ZEB1: variants seen among roughly 807,000 people sequenced by gnomAD.
ZEB1 encodes zinc finger E-box binding homeobox 1, also known as zinc finger E-box-binding homeobox 1.
ZEB1 carries 21 observed loss-of-function variants against 84.9 expected under a neutral mutation model. The ratio of observed to expected loss-of-function variants is 0.25; its 90% CI spans 0.18 to 0.36. ZEB1 has a LOEUF of 0.36. Ranked by LOEUF, ZEB1 falls within the 10% of genes least tolerant of loss-of-function variation. The pLI, the probability that ZEB1 is intolerant of heterozygous loss-of-function variation, is 1.00. For synonymous variants in ZEB1, 420 were observed against 471.1 expected (o/e 0.89, Z 1.41); for missense variants, 1,104 against 1,330.2 (o/e 0.83, Z 2.65).
chr10:31,520,721 T>A lies in ZEB1; in HGVS notation c.1389T>A (p.Leu463=). The change falls in exon 7 of 9, where the codon CTT becomes CTA. Residue 463 remains leucine, a synonymous_variant. Coordinates refer to ENST00000424869, the MANE Select transcript of ZEB1 (RefSeq NM_001174096.2). The surrounding 1 kb of genome is among the most constrained non-coding windows in gnomAD (Gnocchi z 5.1). ...ATTCTGTTATTTCAGCCATCAGTCT[T>A]CCTTTGGTTGATCAAGATGGAACAA... ...GGHSVISAIS[L]PLVDQDGTTK... 1 of 1,614,110 alleles carries A rather than the reference T, an allele frequency of 6.2e-7. No individual in the cohort carries two copies. Among genetic ancestry groups the A allele is most frequent in the Non-Finnish European group, 8.5e-7 (1 of 1,180,002 alleles).
At chr10:31,451,775 G>C (rs951198022) in intron 1 of ZEB1, among the ~76,000 whole-genome samples, 1 of 152,154 alleles carries the variant, frequency 6.6e-6, no homozygotes, top group African/African-American at 2.4e-5. Flanking sequence ...AGGGGAAAAG[G>C]GGAAGGTAAT....
chr10:31,425,225 G>A (rs1232984263), intron 1 of ZEB1, among the ~76,000 whole-genome samples: 1 of 151,980 alleles, frequency 6.6e-6, no homozygotes, highest in Non-Finnish European at 1.5e-5. Flanking sequence ...AATTGAATTT[G>A]AGTTAGACAG....
chr10:31,347,359 G>A (rs2040491519), intron 1 of ZEB1, among the ~76,000 whole-genome samples: 1 of 152,186 alleles, frequency 6.6e-6, no homozygotes, highest in Non-Finnish European at 1.5e-5. Flanking sequence ...CATTTGTTTA[G>A]CATATATCTG....
intron 2 of ZEB1, among the ~76,000 whole-genome samples, chr10:31,463,630 G>T (rs2062051705): frequency 6.6e-6 from 1 of 152,146 alleles, no homozygotes; most frequent in Admixed American, 6.5e-5. Context: ...AACAAGCAAA[G>T]TTTCCCTGGT....
chr10:31,403,871 A>C (rs1427846165), intron 1 of ZEB1, among the ~76,000 whole-genome samples: 1 of 152,096 alleles, frequency 6.6e-6, no homozygotes, highest in African/African-American at 2.4e-5. Context: ...TTATATGGTA[A>C]AACTGTTAGG....
At chr10:31,407,150 T>C (rs915695689) in intron 1 of ZEB1, among the ~76,000 whole-genome samples, 6 of 151,790 alleles carry the variant, frequency 4.0e-5, no homozygotes, top group Non-Finnish European at 5.9e-5. Context: ...AATGTGCAGG[T>C]TAGTTACATA....
At chr10:31,487,770 G>A (rs1007341711) in intron 2 of ZEB1, among the ~76,000 whole-genome samples, 12 of 151,154 alleles carry the variant, frequency 7.9e-5, no homozygotes, top group African/African-American at 2.4e-4. Context: ...TTGTAGATAC[G>A]CTTTATCAAA....
At chr10:31,425,026 T>C (rs2056749500) in intron 1 of ZEB1, among the ~76,000 whole-genome samples, 1 of 151,962 alleles carries the variant, frequency 6.6e-6, no homozygotes, top group Admixed American at 6.6e-5. Flanking sequence ...AAAACTCTTT[T>C]CTTACAGAAA....
chr10:31,357,623 G>GT (rs899200987), intron 1 of ZEB1, among the ~76,000 whole-genome samples: 18 of 151,412 alleles, frequency 1.2e-4, no homozygotes, highest in South Asian at 2.1e-4. Context: ...GTAGCATATG[G>GT]TTTTTTTTTA....
chr10:31,386,468 C>T (rs986617425), intron 1 of ZEB1, among the ~76,000 whole-genome samples: 3 of 151,828 alleles, frequency 2.0e-5, no homozygotes, highest in African/African-American at 7.3e-5. Flanking sequence ...AGAATATTGA[C>T]TAATCGGTTA....
At chr10:31,318,469 C>T (rs984589169), upstream of ZEB1, 1 of 152,566 alleles carries the variant, frequency 6.6e-6, no homozygotes, top group Non-Finnish European at 1.5e-5. Context: ...GCCTCTCTTT[C>T]AATCCAGCTG....
intron 1 of ZEB1, among the ~76,000 whole-genome samples, chr10:31,359,230 G>C (rs2042592550): frequency 6.6e-6 from 1 of 151,952 alleles, no homozygotes. Flanking sequence ...TATGCATTTT[G>C]GTATTGAAAT....
At chr10:31,361,227 T>G (rs2043012419) in intron 1 of ZEB1, 2 of 1,610,118 alleles carry the variant, frequency 1.2e-6, no homozygotes, top group Admixed American at 3.3e-5. Context: ...GCAGTCTTGC[T>G]CTGTCACCAG....
At chr10:31,379,462 C>T (rs1238397912) in intron 1 of ZEB1, among the ~76,000 whole-genome samples, 3 of 151,170 alleles carry the variant, frequency 2.0e-5, no homozygotes, top group East Asian at 1.9e-4. Flanking sequence ...TATATATATA[C>T]ATATATATAC....
chr10:31,497,988 G>A (rs2067520769), intron 3 of ZEB1, among the ~76,000 whole-genome samples: 1 of 147,014 alleles, frequency 6.8e-6, no homozygotes, highest in South Asian at 2.2e-4. Context: ...AAAATATTCA[G>A]TGTTTATATT....
chr10:31,383,925 A>G (rs1356958784), intron 1 of ZEB1, among the ~76,000 whole-genome samples: 8 of 151,384 alleles, frequency 5.3e-5, no homozygotes, highest in African/African-American at 1.9e-4. Flanking sequence ...GTATAAAGGA[A>G]GAGTAACATA....
intron 2 of ZEB1, among the ~76,000 whole-genome samples, chr10:31,474,281 A>G (rs1378110249): frequency 1.9e-4 from 29 of 151,544 alleles, no homozygotes; most frequent in Non-Finnish European, 1.5e-5. Flanking sequence ...GCAACCTACA[A>G]AATGGGAGAA....
intron 1 of ZEB1, among the ~76,000 whole-genome samples, chr10:31,398,758 G>A (rs950073844): frequency 3.3e-5 from 5 of 151,968 alleles, no homozygotes; most frequent in African/African-American, 1.2e-4. Context: ...CTCCTTGTTT[G>A]GCCTTTTAGA....
At chr10:31,405,216 G>T (rs1346545112) in intron 1 of ZEB1, among the ~76,000 whole-genome samples, 1 of 152,116 alleles carries the variant, frequency 6.6e-6, no homozygotes, top group Non-Finnish European at 1.5e-5. Context: ...GAAAGCAGTT[G>T]TGTGTGTATG....
Sources: gnomAD v4.1 joint callset for allele counts (sites outside exome capture counted in the v4.1 genomes callset) on GRCh38, gnomAD v4.1.1 for gene constraint, Gnocchi (gnomAD v3.1) non-coding constraint, MANE v1.5 for transcripts, NCBI Gene and HGNC (gene_info 2026-07-23, HGNC 2026-07-21) for gene names.